The following BLOC1S3 variants were observed in gnomAD, a reference collection of about 807,000 sequenced individuals.
BLOC1S3 encodes biogenesis of lysosome-related organelles complex 1 subunit 3.
BLOC1S3 carries 7 observed loss-of-function variants against 9.1 expected under a neutral mutation model. That is an observed-to-expected ratio of 0.77 (90% confidence interval 0.44 to 1.45). BLOC1S3 has a LOEUF of 1.45. Among genes scored for constraint, BLOC1S3 ranks in the 40% most tolerant of loss-of-function variants. BLOC1S3 has a pLI of 0.01. For missense variants in BLOC1S3, 307 were observed against 315.2 expected (o/e 0.97, Z 0.20); for synonymous variants, 145 against 158.4 (o/e 0.92, Z 0.64).
chr19:45,179,797 T>C lies in BLOC1S3; in HGVS notation c.501T>C (p.Leu167=), dbSNP rs1969487465. Residue 167 remains leucine, a synonymous_variant, in exon 2 of 2, where the codon CTT becomes CTC. Transcript: ENST00000433642. The surrounding 1 kb of genome is among the most constrained non-coding windows in gnomAD (Gnocchi z 4.6). The part of the protein sequence containing the change: ...AHSVRLARGD[L]CALAERLDIV... ...GCGTGCGCCTGGCGCGCGGGGACCT[T>C]TGTGCGCTGGCCGAGCGTCTGGACA... The C allele has an allele frequency of 5.6e-6, 9 of 1,598,158 alleles. No individual in the cohort carries two copies. Among genetic ancestry groups the C allele is most frequent in the Non-Finnish European group, 7.7e-6 (9 of 1,175,062 alleles).
chr19:45,180,023 A>C lies in BLOC1S3; in HGVS notation c.*118A>C. 1.6e-6 allele frequency: 2 copies of C among 1,233,926 alleles called. No homozygotes were observed. The highest frequency in any genetic ancestry group is 1.4e-5 in the South Asian group (1 of 69,224). 76.4% of individuals were successfully genotyped at this position (1,233,926 alleles called of 1,614,324 possible). ...CCACCCCCGCTCCCATCTTGGTGTCACCCATGGGGGCTAATCCGGTCCCCT... is the reference window on the plus strand; with the variant it reads ...CCACCCCCGCTCCCATCTTGGTGTCCCCCATGGGGGCTAATCCGGTCCCCT... On this transcript the variant is annotated 3_prime_UTR_variant, in exon 2 of 2. Coordinates refer to ENST00000433642, the MANE Select transcript of BLOC1S3 (RefSeq NM_212550.5).
At chr19:45,197,239 A>G (rs1367223278) in intron 2 of BLOC1S3, among the ~76,000 whole-genome samples, 1 of 152,008 alleles carries the variant, frequency 6.6e-6, no homozygotes, top group African/African-American at 2.4e-5. Flanking sequence ...TAATCCTAGC[A>G]CTTTGGGAGA....
chr19:45,193,340 CT>C (rs750884715), intron 2 of BLOC1S3, among the ~76,000 whole-genome samples: 4 of 151,896 alleles, frequency 2.6e-5, no homozygotes, highest in Non-Finnish European at 2.9e-5. Context: ...CCATCTTCCC[CT>C]GCCTCCTCAT....
intron 2 of BLOC1S3, among the ~76,000 whole-genome samples, chr19:45,189,871 C>T (rs926084091): frequency 6.6e-6 from 1 of 152,084 alleles, no homozygotes; most frequent in Non-Finnish European, 1.5e-5. Context: ...TCTCTCTCTA[C>T]CTCCTCTTTA....
chr19:45,184,605 CAAAAT>C (rs908831823), downstream of BLOC1S3, among the ~76,000 whole-genome samples: 10 of 151,452 alleles, frequency 6.6e-5, no homozygotes, highest in African/African-American at 2.4e-4. Context: ...GACCTTGTCT[CAAAAT>C]AAAAAAGGGG....
intron 3 of BLOC1S3, among the ~76,000 whole-genome samples, chr19:45,211,017 T>C (rs346738): frequency 0.74 from 112,524 of 152,074 alleles, 43,135 homozygotes; most frequent in African/African-American, 0.93. Flanking sequence ...AAGGCTGAGG[T>C]GGGAGGATCA....
intron 3 of BLOC1S3, chr19:45,216,230 C>T (rs2122954848): frequency 1.2e-6 from 2 of 1,607,552 alleles, no homozygotes; most frequent in Non-Finnish European, 1.7e-6. Context: ...CACACCCTCC[C>T]AAGATTGACC....
downstream of BLOC1S3, among the ~76,000 whole-genome samples, chr19:45,186,322 G>A (rs989812565): frequency 2.6e-5 from 4 of 152,090 alleles, no homozygotes; most frequent in Non-Finnish European, 5.9e-5. Flanking sequence ...AAGCCAAATC[G>A]TATATTATTA....
rs76563669 is a variant in BLOC1S3, at chr19:45,196,365, G to C, written n.181-6041G>C. On this transcript the variant is annotated intron_variant and non_coding_transcript_variant, in intron 2 of 3. Coordinates refer to the BLOC1S3 transcript ENST00000591569. ...TGCAGTCTAGCCTGGGTGACATAGC[G>C]AGACTCTGTCTCAAATATAATGCAA... Among the ~76,000 whole-genome samples the C allele has an allele frequency of 8.9e-3, 1,349 of 152,000 alleles. 22 individuals are homozygous for C. Among genetic ancestry groups the C allele is most frequent in the African/African-American group, 0.031 (1,266 of 41,442 alleles).
exon 2 of BLOC1S3, chr19:45,187,631 T>C (rs12460985): frequency 0.16 from 24,542 of 152,246 alleles, 2,290 homozygotes; most frequent in East Asian, 0.29. Context: ...TTGAGGAAGC[T>C]GCTCGACTGT....
intron 3 of BLOC1S3, among the ~76,000 whole-genome samples, chr19:45,209,189 C>T (rs1278062664): frequency 6.6e-6 from 1 of 151,764 alleles, no homozygotes; most frequent in Non-Finnish European, 1.5e-5. Flanking sequence ...ACTGGGATTA[C>T]AGGCGAGCAC....
chr19:45,211,188 T>C (rs373671761), intron 3 of BLOC1S3, among the ~76,000 whole-genome samples: 6 of 152,042 alleles, frequency 3.9e-5, no homozygotes, highest in South Asian at 2.1e-4. Flanking sequence ...CTTTTGCATA[T>C]TGGCAACATA....
At chr19:45,185,459 C>T (rs1419537635), downstream of BLOC1S3, among the ~76,000 whole-genome samples, 1 of 152,172 alleles carries the variant, frequency 6.6e-6, no homozygotes, top group Non-Finnish European at 1.5e-5. Context: ...CATAACACAT[C>T]ACCCTCAGAT....
At chr19:45,185,476 G>A (rs762411133), downstream of BLOC1S3, among the ~76,000 whole-genome samples, 1 of 152,118 alleles carries the variant, frequency 6.6e-6, no homozygotes, top group Non-Finnish European at 1.5e-5. Context: ...AGATGTGCAG[G>A]ATGAGAGGGT....
chr19:45,192,859 C>T (rs915372627), intron 2 of BLOC1S3, among the ~76,000 whole-genome samples: 1 of 152,088 alleles, frequency 6.6e-6, no homozygotes, highest in African/African-American at 2.4e-5. Flanking sequence ...TCAAGCCAGG[C>T]GTGGTGGCTC....
rs1449622721 is a variant in BLOC1S3 at position 45,180,172 on chromosome 19, G to C, written c.*267G>C. ...GCCTGGTTCTGAGCCTTCCCCTGGG[G>C]CTTGGCTCCAGCCTTTGTTACATAG... On this transcript the variant is annotated 3_prime_UTR_variant, in exon 2 of 2. Coordinates refer to ENST00000433642, the MANE Select transcript of BLOC1S3 (RefSeq NM_212550.5). 4.9e-6 allele frequency: 2 copies of C among 406,890 alleles called. No individual in the cohort carries two copies. Among genetic ancestry groups the C allele is most frequent in the Non-Finnish European group, 9.0e-6 (2 of 221,870 alleles). The allele number at this position is 406,890 out of a possible 1,614,324, so 25.2% of individuals were successfully genotyped here.
rs34470523 is a variant in BLOC1S3, at chr19:45,194,102, C to CT, written n.180+6387dup. Among the ~76,000 whole-genome samples, 261 of 45,118 alleles carry CT rather than the reference C, an allele frequency of 5.8e-3. 18 individuals are homozygous for CT. The highest frequency in any genetic ancestry group is 0.012 in the Admixed American group (37 of 3,044). The allele number at this position is 45,118 out of a possible 152,430, so 29.6% of individuals were successfully genotyped here. Reference sequence around the variant, plus strand: ...ACAGGTGTGAGCCACCGCGCCTGGCCTTTTTTTTTTTTTTTTTTTTTTTTT... The same window carrying CT: ...ACAGGTGTGAGCCACCGCGCCTGGCCTTTTTTTTTTTTTTTTTTTTTTTTTT... On this transcript the variant is annotated intron_variant and non_coding_transcript_variant, in intron 2 of 3. Coordinates refer to the BLOC1S3 transcript ENST00000591569.
chr19:45,194,013 C>A (rs550364566), intron 2 of BLOC1S3, among the ~76,000 whole-genome samples: 1 of 137,610 alleles, frequency 7.3e-6, no homozygotes, highest in South Asian at 2.5e-4. Flanking sequence ...CCGTGTTAGC[C>A]AGGATGGTCT....
chr19:45,195,357 C>T (rs1969639520), intron 2 of BLOC1S3, among the ~76,000 whole-genome samples: 2 of 151,766 alleles, frequency 1.3e-5, no homozygotes, highest in Non-Finnish European at 1.5e-5. Flanking sequence ...CAGGTTCACA[C>T]CACCATGCCC....
Sources: allele counts gnomAD v4.1 joint callset (sites outside exome capture counted in the v4.1 genomes callset), GRCh38; gene constraint gnomAD v4.1.1; non-coding constraint Gnocchi (gnomAD v3.1); transcripts MANE v1.5; gene names NCBI Gene and HGNC (gene_info 2026-07-23, HGNC 2026-07-21).